The following CNTN5 variants were observed in gnomAD, a reference collection of about 807,000 sequenced individuals.
CNTN5 encodes the protein contactin-5.
Under a neutral mutation model 129.1 loss-of-function variants are expected in CNTN5, and 77 were observed. The ratio of observed to expected loss-of-function variants is 0.60; its 90% CI spans 0.50 to 0.72. The LOEUF is 0.72. Ranked by LOEUF, CNTN5 falls within the 30% of genes least tolerant of loss-of-function variation. The pLI, the probability that CNTN5 is intolerant of heterozygous loss-of-function variation, is 0.00. For synonymous variants in CNTN5, 509 were observed against 465.6 expected, an observed-to-expected ratio of 1.09 and a Z score of -1.20; for missense variants, 1,478 against 1,328.8, an observed-to-expected ratio of 1.11 and a Z score of -1.75.
intron 2 of CNTN5, among the ~76,000 whole-genome samples, chr11:99,334,830 C>T (rs980480306): frequency 7.3e-4 from 3 of 4,086 alleles, no homozygotes; most frequent in South Asian, 0.017. Flanking sequence ...TAAAATAATT[C>T]TTTTTTCTTA....
At chr11:99,829,503 CATAAA>C (rs1947070216) in intron 4 of CNTN5, among the ~76,000 whole-genome samples, 2 of 152,256 alleles carry the variant, frequency 1.3e-5, no homozygotes, top group South Asian at 4.1e-4. Context: ...GAGCTAGTCT[CATAAA>C]ATAAAGAAGA....
chr11:100,062,168 G>T (rs1308107442), intron 10 of CNTN5, among the ~76,000 whole-genome samples: 2 of 152,116 alleles, frequency 1.3e-5, no homozygotes, highest in Non-Finnish European at 2.9e-5. Context: ...TCTAGGTGAG[G>T]ACACTAAAAA....
At chr11:99,384,004 A>G (rs370246645) in intron 2 of CNTN5, among the ~76,000 whole-genome samples, 3 of 152,306 alleles carry the variant, frequency 2.0e-5, no homozygotes, top group East Asian at 3.9e-4. Flanking sequence ...GTTTTATCCA[A>G]GTTCCACGGG....
intron 2 of CNTN5, among the ~76,000 whole-genome samples, chr11:99,465,304 T>C (rs1304483935): frequency 6.6e-6 from 1 of 152,214 alleles, no homozygotes; most frequent in Non-Finnish European, 1.5e-5. Flanking sequence ...ACTTTCATTG[T>C]CTTTTACTGG....
chr11:99,634,707 T>A (rs1951486744), intron 3 of CNTN5, among the ~76,000 whole-genome samples: 1 of 152,180 alleles, frequency 6.6e-6, no homozygotes, highest in Non-Finnish European at 1.5e-5. Context: ...TGTGAATGTA[T>A]TCCTAAGGAT....
intron 21 of CNTN5, among the ~76,000 whole-genome samples, chr11:100,333,948 C>G (rs1370294091): frequency 1.3e-5 from 2 of 152,132 alleles, no homozygotes; most frequent in Non-Finnish European, 2.9e-5. Flanking sequence ...CTTAATTAAA[C>G]TAAAAAGCTT....
intron 3 of CNTN5, among the ~76,000 whole-genome samples, chr11:99,649,164 A>G (rs1168782936): frequency 6.7e-6 from 1 of 148,894 alleles, no homozygotes; most frequent in Non-Finnish European, 1.5e-5. Context: ...CCATAAATAG[A>G]AACAATTATT....
chr11:99,396,225 A>G (rs1423621921), intron 2 of CNTN5, among the ~76,000 whole-genome samples: 1 of 151,410 alleles, frequency 6.6e-6, no homozygotes, highest in Admixed American at 6.6e-5. Flanking sequence ...TTTTCAAAGT[A>G]TTAATTATTT....
chr11:99,478,662 G>T (rs992589377), intron 2 of CNTN5, among the ~76,000 whole-genome samples: 8 of 151,890 alleles, frequency 5.3e-5, no homozygotes, highest in Admixed American at 4.6e-4. Flanking sequence ...TTTTTGAGAT[G>T]GTTGTTAAAC....
At chr11:99,581,692 G>A (rs765002276) in intron 3 of CNTN5, among the ~76,000 whole-genome samples, 4 of 152,000 alleles carry the variant, frequency 2.6e-5, no homozygotes, top group Admixed American at 1.3e-4. Flanking sequence ...TTGGTAGATC[G>A]TCCTCTATCC....
chr11:99,882,317 G>A (rs1044002353), intron 6 of CNTN5, among the ~76,000 whole-genome samples: 1 of 152,140 alleles, frequency 6.6e-6, no homozygotes, highest in Non-Finnish European at 1.5e-5. Context: ...CTTGCATGAA[G>A]TGGGATGAAT....
chr11:100,005,525 G>C (rs1940138184), intron 9 of CNTN5, among the ~76,000 whole-genome samples: 1 of 152,014 alleles, frequency 6.6e-6, no homozygotes, highest in African/African-American at 2.4e-5. Context: ...GCTGACTATA[G>C]GTACTAGGTT....
intron 1 of CNTN5, among the ~76,000 whole-genome samples, chr11:99,035,756 T>G (rs57469707): frequency 0.21 from 31,376 of 146,074 alleles, 3,168 homozygotes; most frequent in East Asian, 0.31. Flanking sequence ...AATTGGAGAA[T>G]TTAGTCCATT....
At chr11:99,835,902 T>C (rs1411398630) in intron 4 of CNTN5, among the ~76,000 whole-genome samples, 2 of 152,066 alleles carry the variant, frequency 1.3e-5, no homozygotes, top group African/African-American at 4.8e-5. Context: ...AATATTGTTA[T>C]AGGAAAGAGG....
rs147865715 is a variant in CNTN5, at chr11:99,803,204, G to C, written c.56-16340G>C. ...GAGATCTTCCTGAGCATGGAGTAGA[G>C]AGGGCCCTGCTGCACCACGATCTCA... On this transcript the variant is annotated intron_variant, in intron 3 of 24. Transcript: ENST00000524871. Among the ~76,000 whole-genome samples, 201 of 152,296 alleles carry C rather than the reference G, an allele frequency of 1.3e-3. 1 individual carries two copies. The highest frequency in any genetic ancestry group is 4.6e-3 in the African/African-American group (190 of 41,572).
intron 18 of CNTN5, among the ~76,000 whole-genome samples, chr11:100,285,784 T>C (rs1950769109): frequency 6.6e-6 from 1 of 152,362 alleles, no homozygotes; most frequent in East Asian, 1.9e-4. Context: ...AGCTCCGGTC[T>C]ACAGCTCCCA....
At chr11:99,900,484 T>C (rs1949326733) in intron 6 of CNTN5, among the ~76,000 whole-genome samples, 1 of 152,148 alleles carries the variant, frequency 6.6e-6, no homozygotes, top group Non-Finnish European at 1.5e-5. Flanking sequence ...AACATTCCTC[T>C]TACCATTGCC....
At position 100,114,977 on chromosome 11, in the gene CNTN5, A is replaced by G. The variant is rs542549540; in HGVS notation, c.1580+40683A>G. Among the ~76,000 whole-genome samples, 54 of 152,068 alleles carry G rather than the reference A, an allele frequency of 3.6e-4. No homozygotes were observed. The South Asian group carries it at 0.011, about 31-fold the overall frequency. On this transcript the variant is annotated intron_variant, in intron 13 of 24. Transcript: ENST00000524871. ...CCACCATTCTGACTGTGGAAGCTCC[A>G]TGGGTGTCCCCATTATTGGATTGCG...
At chr11:99,248,181 G>A (rs1301085782) in intron 1 of CNTN5, among the ~76,000 whole-genome samples, 1 of 152,130 alleles carries the variant, frequency 6.6e-6, no homozygotes, top group Non-Finnish European at 1.5e-5. Context: ...GTATCTCATT[G>A]TGGTTTTGAT....
Sources: allele counts gnomAD v4.1 joint callset (sites outside exome capture counted in the v4.1 genomes callset), GRCh38; gene constraint gnomAD v4.1.1; transcripts MANE v1.5; gene names NCBI Gene and HGNC (gene_info 2026-07-23, HGNC 2026-07-21).